EVC: variants seen among roughly 807,000 people sequenced by gnomAD.
EVC encodes the protein EvC ciliary complex subunit 1.
A neutral mutation model predicts 118.9 loss-of-function variants in EVC; 116 were observed. That is an observed-to-expected ratio of 0.98 (90% CI 0.84 to 1.14). The LOEUF (loss-of-function observed/expected upper bound fraction) is 1.14, where lower values mean the gene tolerates loss of function less well. EVC is among the 50% of genes most tolerant of loss of function. EVC has a pLI of 0.00. For missense variants in EVC, 1,401 were observed against 1,246.4 expected (o/e 1.12, Z -1.87); for synonymous variants, 619 against 534.7 (o/e 1.16, Z -2.18).
chr4:5,769,051 T>C (rs762180361), intron 11 of EVC, among the ~76,000 whole-genome samples: 12 of 152,156 alleles, frequency 7.9e-5, no homozygotes, highest in South Asian at 4.2e-4. Context: ...TGAGATACAT[T>C]TGATGGTCAC....
the EVC span, chr4:5,825,455 C>T: frequency 6.5e-7 from 1 of 1,534,024 alleles, no homozygotes; most frequent in Non-Finnish European, 8.7e-7. The surrounding 1 kb of genome is among the most constrained non-coding windows in gnomAD (Gnocchi z 4.4). Flanking sequence ...GCCTGAACTG[C>T]TGCAATTGTG....
intron 13 of EVC, 63 bp downstream of exon 13, chr4:5,793,780 G>C: frequency 7.6e-7 from 1 of 1,307,352 alleles, no homozygotes. Flanking sequence ...TCCAGCCTCA[G>C]TGTCCTCATC....
downstream of EVC, among the ~76,000 whole-genome samples, chr4:5,818,470 A>C (rs1409306210): frequency 6.6e-6 from 1 of 152,210 alleles, no homozygotes; most frequent in East Asian, 1.9e-4. Context: ...ACTTATGTTG[A>C]AACTTAATAC....
At chr4:5,768,020 C>G (rs1412289184) in intron 11 of EVC, among the ~76,000 whole-genome samples, 1 of 152,114 alleles carries the variant, frequency 6.6e-6, no homozygotes, top group Admixed American at 6.5e-5. Flanking sequence ...TTCATTCATT[C>G]ATTCATTCAA....
Position 5,742,381 on chromosome 4 carries a change from G to T in EVC, c.801+567G>T, listed in dbSNP as rs951551256. Among the ~76,000 whole-genome samples the T allele has an allele frequency of 6.6e-6, 1 of 152,098 alleles. No homozygotes were observed. The highest frequency in any genetic ancestry group is 1.5e-5 in the Non-Finnish European group (1 of 68,014). ...CATAGTTGGCTGTGAATATGTGATG[G>T]CTGCTGTCATCCTCATTATCACAAC... On this transcript the variant is annotated intron_variant, in intron 6 of 20. Coordinates refer to ENST00000264956, the MANE Select transcript of EVC (RefSeq NM_153717.3). The surrounding 1 kb of genome is among the most constrained non-coding windows in gnomAD (Gnocchi z 5.2).
At chr4:5,825,223 G>C in the EVC span, 1 of 985,332 alleles carries the variant, frequency 1.0e-6, no homozygotes. This position sits in a 1 kb window ranked among gnomAD's most constrained non-coding sequence, Gnocchi z 4.4. Context: ...ATGTGTGTAA[G>C]GATGAGCACT....
chr4:5,750,116 T>C (rs955174060), intron 8 of EVC, among the ~76,000 whole-genome samples: 4 of 152,142 alleles, frequency 2.6e-5, no homozygotes, highest in Non-Finnish European at 5.9e-5. Flanking sequence ...AGCACGCAGA[T>C]AAGGAGCCCA....
intron 11 of EVC, among the ~76,000 whole-genome samples, chr4:5,777,739 G>A (rs1243558608): frequency 1.3e-5 from 2 of 152,152 alleles, no homozygotes; most frequent in African/African-American, 4.8e-5. Context: ...ATATGCCCTT[G>A]TCATGGTCAC....
At chr4:5,816,104 T>C (rs1264219802), downstream of EVC, among the ~76,000 whole-genome samples, 1 of 152,078 alleles carries the variant, frequency 6.6e-6, no homozygotes, top group Non-Finnish European at 1.5e-5. Context: ...CCAGAGATTC[T>C]GAGTCAGCAG....
At chr4:5,747,550 T>A (rs990515259) in intron 7 of EVC, among the ~76,000 whole-genome samples, 1 of 152,180 alleles carries the variant, frequency 6.6e-6, no homozygotes, top group African/African-American at 2.4e-5. Flanking sequence ...ATTCCTAGTG[T>A]CATTGTCCTT....
At chr4:5,747,389 G>T (rs4234713) in intron 7 of EVC, among the ~76,000 whole-genome samples, 125,743 of 152,160 alleles carry the variant, frequency 0.83, 52,323 homozygotes, top group African/African-American at 0.94. Context: ...AACCAAATCC[G>T]GGCTTTCACT....
chr4:5,748,014 C>G (rs1323660318), intron 7 of EVC, 134 bp from the exon 8 acceptor site: 2 of 998,628 alleles, frequency 2.0e-6, no homozygotes, highest in African/African-American at 3.2e-5. Context: ...CCAAGATAAA[C>G]TCACTGAAAC....
downstream of EVC, among the ~76,000 whole-genome samples, chr4:5,814,814 G>T (rs1335899814): frequency 6.6e-6 from 1 of 151,882 alleles, no homozygotes; most frequent in Non-Finnish European, 1.5e-5. Context: ...CTCACATGGA[G>T]TCAGGACTCA....
intron 17 of EVC, among the ~76,000 whole-genome samples, chr4:5,806,524 C>T (rs553225150): frequency 6.6e-6 from 1 of 152,258 alleles, no homozygotes; most frequent in South Asian, 2.1e-4. Flanking sequence ...GACATGATTT[C>T]ATTCTTTTTT....
rs1384973570 is a variant in EVC, at chr4:5,719,131, G to A, written c.175-117G>A. 2.2e-6 allele frequency: 3 copies of A among 1,354,244 alleles called. No individual in the cohort carries two copies. Among genetic ancestry groups the A allele is most frequent in the Admixed American group, 1.7e-5 (1 of 59,444 alleles). The allele number at this position is 1,354,244 out of a possible 1,614,324, so 83.9% of individuals were successfully genotyped here. Reference sequence around the variant, plus strand: ...CCAAGCTTGAGAAGCACAGAGGCGAGCAGAAGTGGCTGCTGGACTGGGGGA... The same window carrying A: ...CCAAGCTTGAGAAGCACAGAGGCGAACAGAAGTGGCTGCTGGACTGGGGGA... On this transcript the variant is annotated intron_variant, in intron 1 of 20. Transcript: ENST00000264956. The surrounding 1 kb of genome is among the most constrained non-coding windows in gnomAD (Gnocchi z 4.7).
At chr4:5,723,342 A>G (rs1282654989) in intron 2 of EVC, among the ~76,000 whole-genome samples, 8 of 152,022 alleles carry the variant, frequency 5.3e-5, no homozygotes, top group African/African-American at 1.9e-4. Flanking sequence ...GGCATGCGCC[A>G]CCACACCCAG....
intron 5 of EVC, among the ~76,000 whole-genome samples, chr4:5,741,120 C>T (rs573821134): frequency 2.4e-4 from 36 of 152,338 alleles, no homozygotes; most frequent in Non-Finnish European, 3.7e-4. Context: ...TGAGGACTTA[C>T]GTTCACACAA....
intron 12 of EVC, among the ~76,000 whole-genome samples, chr4:5,791,033 T>C (rs568123357): frequency 6.8e-6 from 1 of 146,482 alleles, no homozygotes; most frequent in Non-Finnish European, 1.5e-5. Context: ...AGGTGAAGCT[T>C]GCAGTGAGCC....
intron 11 of EVC, among the ~76,000 whole-genome samples, chr4:5,780,185 A>G (rs1331282294): frequency 1.3e-5 from 2 of 152,234 alleles, no homozygotes; most frequent in Non-Finnish European, 2.9e-5. Context: ...CATCCCAGGC[A>G]TGAAGCAAAC....
Sources: allele counts gnomAD v4.1 joint callset (sites outside exome capture counted in the v4.1 genomes callset), GRCh38; gene constraint gnomAD v4.1.1; non-coding constraint Gnocchi (gnomAD v3.1); transcripts MANE v1.5; gene names NCBI Gene and HGNC (gene_info 2026-07-23, HGNC 2026-07-21).